MAST4: variants seen among roughly 807,000 people sequenced by gnomAD.
MAST4 encodes the protein microtubule-associated serine/threonine-protein kinase 4.
A neutral mutation model predicts 162.7 loss-of-function variants in MAST4; 89 were observed. The ratio of observed to expected loss-of-function variants is 0.55; its 90% CI spans 0.46 to 0.65. The LOEUF is 0.65. Ranked by LOEUF, MAST4 falls within the 30% of genes least tolerant of loss-of-function variation. The probability of loss-of-function intolerance (pLI) is 0.00; values close to 1 mark genes in which losing one functional copy is unlikely to be tolerated. For missense variants in MAST4, 3,153 were observed against 3,374.0 expected (o/e 0.93, Z 1.62); for synonymous variants, 1,479 against 1,361.1 (o/e 1.09, Z -1.91).
intron 3 of MAST4, among the ~76,000 whole-genome samples, chr5:66,855,276 A>T (rs1322933573): frequency 6.6e-6 from 1 of 151,976 alleles, no homozygotes; most frequent in Admixed American, 6.6e-5. Flanking sequence ...TGCTCCCGCT[A>T]TTGCCATGTG....
chr5:67,006,856 G>A (rs983172834), intron 4 of MAST4, among the ~76,000 whole-genome samples: 11 of 152,146 alleles, frequency 7.2e-5, no homozygotes, highest in Non-Finnish European at 1.5e-4. Context: ...GGAGAGCATT[G>A]GGTGGGCTGT....
At chr5:67,088,799 T>TAA (rs1182123819) in intron 5 of MAST4, among the ~76,000 whole-genome samples, 3 of 152,226 alleles carry the variant, frequency 2.0e-5, no homozygotes, top group Non-Finnish European at 4.4e-5. Flanking sequence ...GCTTCCCAGT[T>TAA]AAATGGCTGT....
chr5:67,043,884 A>G (rs1056069837), intron 4 of MAST4, among the ~76,000 whole-genome samples: 1 of 152,074 alleles, frequency 6.6e-6, no homozygotes, highest in African/African-American at 2.4e-5. Flanking sequence ...TGACCTATGG[A>G]CAGCCAACCA....
chr5:66,904,240 T>A (rs1349842503), intron 4 of MAST4, among the ~76,000 whole-genome samples: 1 of 152,182 alleles, frequency 6.6e-6, no homozygotes, highest in Non-Finnish European at 1.5e-5. Context: ...AACCAAGGTG[T>A]CCCTGGCAGC....
chr5:67,098,758 T>C (rs1029171959), intron 7 of MAST4, among the ~76,000 whole-genome samples: 1 of 152,150 alleles, frequency 6.6e-6, no homozygotes, highest in African/African-American at 2.4e-5. Context: ...ACTGTTCCTG[T>C]GCAAGTACAG....
At chr5:66,871,732 T>A (rs1760943715) in intron 3 of MAST4, among the ~76,000 whole-genome samples, 1 of 152,210 alleles carries the variant, frequency 6.6e-6, no homozygotes, top group African/African-American at 2.4e-5. Context: ...CAGGTCAACG[T>A]GTCAACTTTC....
At chr5:66,951,197 C>T (rs961651282) in intron 4 of MAST4, among the ~76,000 whole-genome samples, 30 of 152,182 alleles carry the variant, frequency 2.0e-4, no homozygotes, top group African/African-American at 7.2e-4. Flanking sequence ...ATTTGAACAA[C>T]AACTCATAAA....
At position 66,855,491 on chromosome 5, in the gene MAST4, G is replaced by T. The variant is rs565135105; in HGVS notation, c.643-44460G>T. 4.6e-5 allele frequency among the ~76,000 whole-genome samples: 7 copies of T among 152,290 alleles called. 1 individual carries two copies. In the South Asian group the frequency reaches 1.4e-3, roughly 32 times the overall value. On this transcript the variant is annotated intron_variant, in intron 3 of 28. Coordinates refer to ENST00000403625, the MANE Select transcript of MAST4 (RefSeq NM_001164664.2). ...TTTAGAGCTGGACTAGGTGGTGTTT[G>T]CTCGCTTCATTTGTGTTCTCTTGAG...
At chr5:66,634,684 T>G (rs1464250425) in intron 1 of MAST4, among the ~76,000 whole-genome samples, 1 of 152,194 alleles carries the variant, frequency 6.6e-6, no homozygotes, top group Non-Finnish European at 1.5e-5. Flanking sequence ...TTGAAGCCAA[T>G]TTCATGTGGT....
chr5:67,087,255 C>G lies in MAST4; in HGVS notation c.764-2907C>G, dbSNP rs145590495. On this transcript the variant is annotated intron_variant, in intron 5 of 28. Coordinates refer to ENST00000403625, the MANE Select transcript of MAST4 (RefSeq NM_001164664.2). ...CTTTTTTAGCCTGTATCCTTTTTCA[C>G]TCGTTTCTAATCTGCTAACGACTAT... 3.5e-3 allele frequency among the ~76,000 whole-genome samples: 530 copies of G among 152,278 alleles called. 2 individuals carry two copies. Among genetic ancestry groups the G allele is most frequent in the Non-Finnish European group, 5.4e-3 (369 of 68,018 alleles).
At chr5:66,741,068 T>C (rs1369994202) in intron 1 of MAST4, among the ~76,000 whole-genome samples, 1 of 152,160 alleles carries the variant, frequency 6.6e-6, no homozygotes, top group Non-Finnish European at 1.5e-5. Context: ...CCACCTTGCT[T>C]GCTTTTTCTC....
At chr5:67,029,646 T>A (rs1195556104) in intron 4 of MAST4, among the ~76,000 whole-genome samples, 1 of 152,154 alleles carries the variant, frequency 6.6e-6, no homozygotes, top group African/African-American at 2.4e-5. Context: ...TGTTGGGTTT[T>A]GTTTGTTTAT....
chr5:66,851,690 A>G (rs80090055), intron 3 of MAST4, among the ~76,000 whole-genome samples: 4,507 of 152,258 alleles, frequency 0.03, 230 homozygotes, highest in African/African-American at 0.1. Context: ...GTGGATTACT[A>G]TAGTGCATGC....
At chr5:66,613,125 C>T (rs1479825888) in intron 1 of MAST4, among the ~76,000 whole-genome samples, 1 of 151,912 alleles carries the variant, frequency 6.6e-6, no homozygotes, top group Non-Finnish European at 1.5e-5. Context: ...CTGTATAGCC[C>T]AGGCATTCTT....
intron 1 of MAST4, among the ~76,000 whole-genome samples, chr5:66,729,667 T>C (rs1751723994): frequency 6.6e-6 from 1 of 152,194 alleles, no homozygotes; most frequent in South Asian, 2.1e-4. Flanking sequence ...TGGGACCCTC[T>C]TAATTTTTCC....
At chr5:67,120,655 CG>C (rs1205903223) in intron 13 of MAST4, among the ~76,000 whole-genome samples, 1 of 152,122 alleles carries the variant, frequency 6.6e-6, no homozygotes, top group Non-Finnish European at 1.5e-5. Context: ...AGAGCCACTC[CG>C]GCCCATTCTT....
At chr5:67,150,480 G>A (rs992229446) in intron 24 of MAST4, among the ~76,000 whole-genome samples, 11 of 152,168 alleles carry the variant, frequency 7.2e-5, no homozygotes, top group African/African-American at 2.4e-4. Flanking sequence ...CAGTTTCTGG[G>A]AGGTGTCCTG....
chr5:66,608,641 G>T (rs1413966264), intron 1 of MAST4, among the ~76,000 whole-genome samples: 1 of 152,032 alleles, frequency 6.6e-6, no homozygotes, highest in Non-Finnish European at 1.5e-5. Context: ...TTCTGTGTTT[G>T]TCTTGATGCT....
At chr5:67,162,585 A>C (rs201143481) in intron 27 of MAST4, 22 bp from the exon 28 acceptor site, 2 of 1,612,462 alleles carry the variant, frequency 1.2e-6, no homozygotes, top group Middle Eastern at 1.7e-4. Flanking sequence ...AGACTGAACA[A>C]TTTTTTCCTG....
Sources: gnomAD v4.1 joint callset for allele counts (sites outside exome capture counted in the v4.1 genomes callset) on GRCh38, gnomAD v4.1.1 for gene constraint, MANE v1.5 for transcripts, NCBI Gene and HGNC (gene_info 2026-07-23, HGNC 2026-07-21) for gene names.